The following UFM1 variants were observed in gnomAD, a reference collection of about 807,000 sequenced individuals.
UFM1 encodes the protein ubiquitin fold modifier 1, also known as ubiquitin-fold modifier 1.
UFM1 carries 9 observed loss-of-function variants against 15.4 expected under a neutral mutation model. The observed-to-expected ratio is 0.59, with a 90% CI of 0.35 to 1.02. The LOEUF (loss-of-function observed/expected upper bound fraction) is 1.02, where lower values mean the gene tolerates loss of function less well. Ranked by LOEUF, UFM1 falls within the 50% of genes least tolerant of loss-of-function variation. UFM1 has a pLI of 0.02. For missense variants in UFM1, 98 were observed against 104.7 expected (o/e 0.94, Z 0.28); for synonymous variants, 27 against 36.3 (o/e 0.74, Z 0.92).
chr13:38,350,140 C>T (rs1878759436), intron 2 of UFM1, 85 bp downstream of exon 2: 1 of 1,613,916 alleles, frequency 6.2e-7, no homozygotes, highest in Non-Finnish European at 8.5e-7. Context: ...CCAACAACTA[C>T]CCCACGCAGT....
chr13:38,351,006 C>T (rs1265948605), intron 2 of UFM1, among the ~76,000 whole-genome samples: 4 of 152,168 alleles, frequency 2.6e-5, no homozygotes, highest in African/African-American at 4.8e-5. Context: ...TGGATAAATA[C>T]ATTCTCTCCT....
At position 38,358,130 on chromosome 13, in the gene UFM1, A is replaced by G; in HGVS notation, c.155A>G (p.Asn52Ser). ...VPAATSAIIT[N>S]DGIGINPAQT... The stretch of plus-strand genomic sequence containing the variant: ...GCTGCAACAAGTGCAATTATTACCA[A>G]TGGTAAGAATTCACTATAAAATTAT... The change falls in exon 4 of 6, where the codon AAT (asparagine) becomes AGT (serine). Residue 52 changes from asparagine to serine, a missense_variant and splice_region_variant. Asn to Ser is a conservative substitution (Grantham distance 46). Coordinates refer to ENST00000239878, the MANE Select transcript of UFM1 (RefSeq NM_016617.4). 1 of 1,456,412 alleles carries G rather than the reference A, an allele frequency of 6.9e-7. No individual in the cohort carries two copies. The highest frequency in any genetic ancestry group is 9.2e-7 in the Non-Finnish European group (1 of 1,090,544). 90.2% of individuals were successfully genotyped at this position (1,456,412 alleles called of 1,614,324 possible). A position where few individuals can be genotyped will look rare whatever the true frequency, so the allele number is the denominator to read the frequency against.
intron 3 of UFM1, among the ~76,000 whole-genome samples, chr13:38,355,548 G>A (rs1566031998): frequency 6.6e-6 from 1 of 151,554 alleles, no homozygotes; most frequent in Non-Finnish European, 1.5e-5. Flanking sequence ...TAATGCAAAG[G>A]CATTTTTTGT....
At chr13:38,350,222 G>C in intron 2 of UFM1, 167 bp downstream of exon 2, 1 of 1,609,118 alleles carries the variant, frequency 6.2e-7, no homozygotes, top group East Asian at 2.2e-5. Flanking sequence ...GAGCCTGCGA[G>C]GAGAGGTCCG....
Position 38,363,015 on chromosome 13 carries a change from GTTC to G in UFM1, c.*2240_*2242del, listed in dbSNP as rs1344864788. On this transcript the variant is annotated 3_prime_UTR_variant, in exon 6 of 6. Coordinates refer to ENST00000239878, the MANE Select transcript of UFM1 (RefSeq NM_016617.4). ...TGTTATATTGTAAACCATATTGTCT[GTTC>G]TTATTATTAGAGCTCTTAATCAGCA... The G allele has an allele frequency of 1.3e-5, 2 of 152,096 alleles. No individual in the cohort carries two copies. Among genetic ancestry groups the G allele is most frequent in the African/African-American group, 2.4e-5 (1 of 41,416 alleles). 9.4% of individuals were successfully genotyped at this position (152,096 alleles called of 1,614,324 possible).
In UFM1 at chr13:38,349,864, A is replaced by G; in HGVS notation, c.-56A>G. The G allele has an allele frequency of 1.2e-6, 2 of 1,613,970 alleles. No homozygotes were observed. Among genetic ancestry groups the G allele is most frequent in the Admixed American group, 1.7e-5 (1 of 60,008 alleles). The stretch of plus-strand genomic sequence containing the variant: ...GGGGCGGTCCCCAGCACACTAGAGG[A>G]AGTCGTGCTACCCCCGCGGAGTTGT... On this transcript the variant is annotated 5_prime_UTR_variant, in exon 1 of 6. Transcript: ENST00000239878.
chr13:38,350,987 G>T (rs1878822859), intron 2 of UFM1, among the ~76,000 whole-genome samples: 1 of 152,084 alleles, frequency 6.6e-6, no homozygotes, highest in Non-Finnish European at 1.5e-5. Context: ...TCGTTTACAG[G>T]CACTCTTATG....
intron 2 of UFM1, among the ~76,000 whole-genome samples, chr13:38,350,965 A>G (rs190973639): frequency 2.0e-5 from 3 of 152,288 alleles, no homozygotes; most frequent in East Asian, 3.9e-4. Context: ...TAATTGCTCC[A>G]TCTCTGAGAT....
At chr13:38,351,040 T>C (rs1566029903) in intron 2 of UFM1, among the ~76,000 whole-genome samples, 1 of 152,250 alleles carries the variant, frequency 6.6e-6, no homozygotes, top group Non-Finnish European at 1.5e-5. Context: ...TAATTTCTCA[T>C]CTACAACGTT....
intron 4 of UFM1, among the ~76,000 whole-genome samples, chr13:38,358,999 A>G (rs1879250860): frequency 6.6e-6 from 1 of 152,098 alleles, no homozygotes; most frequent in African/African-American, 2.4e-5. Context: ...AAGAAAGGAC[A>G]AACATTATTT....
chr13:38,356,770 TTTC>T (rs1219699511), intron 3 of UFM1, among the ~76,000 whole-genome samples: 1 of 150,454 alleles, frequency 6.6e-6, no homozygotes, highest in Non-Finnish European at 1.5e-5. Context: ...AAACACTTCA[TTTC>T]TGTTAGGAGT....
intron 2 of UFM1, among the ~76,000 whole-genome samples, chr13:38,352,287 C>T (rs570442839): frequency 3.4e-4 from 51 of 151,716 alleles, no homozygotes; most frequent in South Asian, 1.7e-3. Context: ...TTAGTAGAGA[C>T]GGGGTGTCAC....
At chr13:38,358,753 C>T (rs1299497116) in intron 4 of UFM1, among the ~76,000 whole-genome samples, 4 of 152,000 alleles carry the variant, frequency 2.6e-5, no homozygotes, top group South Asian at 2.1e-4. Flanking sequence ...GCTTAATGTG[C>T]GTGATGTAAC....
rs1879262494 is a variant in UFM1 at position 38,359,239 on chromosome 13, G to A, written c.158-62G>A. On this transcript the variant is annotated intron_variant, in intron 4 of 5. Transcript: ENST00000239878. ...ACTATTTTGGCAAATCTCTTTCCTTGCTACTATTTAACCATTTTAGCTTTA... is the reference window on the plus strand; with the variant it reads ...ACTATTTTGGCAAATCTCTTTCCTTACTACTATTTAACCATTTTAGCTTTA... 3 of 1,534,386 alleles carry A rather than the reference G, an allele frequency of 2.0e-6. No homozygotes were observed. The Admixed American group carries it at 5.2e-5, about 27-fold the overall frequency.
At chr13:38,358,165 C>T in intron 4 of UFM1, 33 bp downstream of exon 4, 1 of 1,332,860 alleles carries the variant, frequency 7.5e-7, no homozygotes, top group Non-Finnish European at 1.0e-6. Flanking sequence ...TGTATTACCT[C>T]AAATTTATAG....
At position 38,361,379 on chromosome 13, in the gene UFM1, G is replaced by A. The variant is rs1403287774; in HGVS notation, c.*601G>A. 6.6e-6 allele frequency: 1 copy of A among 152,038 alleles called. No homozygotes were observed. Among genetic ancestry groups the A allele is most frequent in the East Asian group, 1.9e-4 (1 of 5,184 alleles). 9.4% of individuals were successfully genotyped at this position (152,038 alleles called of 1,614,324 possible). On this transcript the variant is annotated 3_prime_UTR_variant, in exon 6 of 6. Coordinates refer to ENST00000239878, the MANE Select transcript of UFM1 (RefSeq NM_016617.4). ...ATTAAAATTTTAATCTAACCCTTAT[G>A]TGTATAAATTGGTGTCCCATACCAG...
At chr13:38,357,255 A>T (rs560208707) in intron 3 of UFM1, among the ~76,000 whole-genome samples, 1 of 152,074 alleles carries the variant, frequency 6.6e-6, no homozygotes, top group South Asian at 2.1e-4. Flanking sequence ...CTCCCATTAA[A>T]CACAGAGAGC....
rs1879375882 is a variant in UFM1, at chr13:38,361,313, G to A, written c.*535G>A. The A allele has an allele frequency of 6.6e-6, 1 of 151,908 alleles. No individual in the cohort carries two copies. Among genetic ancestry groups the A allele is most frequent in the Non-Finnish European group, 1.5e-5 (1 of 67,966 alleles). 9.4% of individuals were successfully genotyped at this position (151,908 alleles called of 1,614,324 possible). A position where few individuals can be genotyped will look rare whatever the true frequency, so the allele number is the denominator to read the frequency against. On this transcript the variant is annotated 3_prime_UTR_variant, in exon 6 of 6. Coordinates refer to ENST00000239878, the MANE Select transcript of UFM1 (RefSeq NM_016617.4). ...TATCATTTACTTTTTTTAAGATTCAGACCTCAGTTATATAAATTTCAGTTT... is the reference window on the plus strand; with the variant it reads ...TATCATTTACTTTTTTTAAGATTCAAACCTCAGTTATATAAATTTCAGTTT...
Position 38,352,863 on chromosome 13 carries a change from G to C in UFM1, c.60-1376G>C, listed in dbSNP as rs373101481. ...GATTTAAAAGTGAATTGAACTCCAA[G>C]GGTTTAGAAGTTCTCCAATTGATGC... On this transcript the variant is annotated intron_variant, in intron 2 of 5. Transcript: ENST00000239878. Among the ~76,000 whole-genome samples, 26 of 152,254 alleles carry C rather than the reference G, an allele frequency of 1.7e-4. No homozygotes were observed. The East Asian group carries it at 4.6e-3, about 27-fold the overall frequency.
Sources: gnomAD v4.1 joint callset for allele counts (sites outside exome capture counted in the v4.1 genomes callset) on GRCh38, gnomAD v4.1.1 for gene constraint, MANE v1.5 for transcripts, NCBI Gene and HGNC (gene_info 2026-07-23, HGNC 2026-07-21) for gene names.